The following ANK2 variants were observed in gnomAD, a reference collection of about 807,000 sequenced individuals.
ANK2 encodes the protein ankyrin 2, also known as ankyrin-2.
In ANK2, 83 loss-of-function variants were observed where a neutral mutation model predicts 360.5. That is an observed-to-expected ratio of 0.23 (90% CI 0.19 to 0.28). The LOEUF (loss-of-function observed/expected upper bound fraction) is 0.28. Among genes scored for constraint, ANK2 ranks in the 10% least tolerant of loss-of-function variants. The probability of loss-of-function intolerance (pLI) is 1.00; values close to 1 mark genes in which losing one functional copy is unlikely to be tolerated. For synonymous variants in ANK2, 1,740 were observed against 1,759.5 expected, an observed-to-expected ratio of 0.99 and a Z score of 0.28; for missense variants, 4,201 against 4,795.7, an observed-to-expected ratio of 0.88 and a Z score of 3.66.
intron 2 of ANK2, among the ~76,000 whole-genome samples, chr4:112,984,052 A>C (rs1300445718): frequency 6.6e-6 from 1 of 152,260 alleles, no homozygotes; most frequent in Non-Finnish European, 1.5e-5. Context: ...AAAAAGTTCT[A>C]GACAAACTTT....
At chr4:113,014,949 G>C (rs979875862) in intron 2 of ANK2, among the ~76,000 whole-genome samples, 8 of 137,710 alleles carry the variant, frequency 5.8e-5, no homozygotes, top group African/African-American at 8.3e-5. Context: ...AGCTCCGCCC[G>C]CCGGGTTCAC....
intron 2 of ANK2, among the ~76,000 whole-genome samples, chr4:113,016,667 A>G (rs1364609629): frequency 1.3e-5 from 2 of 152,132 alleles, no homozygotes; most frequent in African/African-American, 4.8e-5. Context: ...GTCCTTTTTT[A>G]AAGAGCTACC....
Position 113,258,054 on chromosome 4 carries a change from G to A in ANK2, c.1193G>A (p.Gly398Asp). Reference protein sequence around the residue: ...RANPNARALNGFTPLHIACKK... With the variant: ...RANPNARALNDFTPLHIACKK... ...ACTTGATTGTCTTTTGCACAGAATG[G>A]TTTTACTCCACTGCACATTGCCTGC... Residue 398 changes from glycine (G) to aspartate (D), a missense_variant, in exon 12 of 46, where the codon GGT (glycine) becomes GAT (aspartate). Physicochemically the swap from Gly to Asp is moderately conservative, Grantham distance 94. Around this residue, in one of 4 missense-constraint regions of ANK2, gnomAD observed 1,268 missense variants for 1,650.8 expected, o/e 0.77. Transcript: ENST00000357077. The A allele has an allele frequency of 6.2e-7, 1 of 1,613,802 alleles. No individual in the cohort carries two copies. The highest frequency in any genetic ancestry group is 1.1e-5 in the South Asian group (1 of 91,074).
chr4:112,786,331 T>C, the ANK2 span, among the ~76,000 whole-genome samples: 1 of 151,936 alleles, frequency 6.6e-6, no homozygotes, highest in Admixed American at 6.6e-5. Flanking sequence ...CTCCATCATT[T>C]TGTGTGTGAA....
chr4:113,174,325 C>T, intron 1 of ANK2, 91 bp from the exon 2 acceptor site: 1 of 1,092,162 alleles, frequency 9.2e-7, no homozygotes. Flanking sequence ...TAAAGCTTTT[C>T]TGACTTCAGT....
intron 14 of ANK2, among the ~76,000 whole-genome samples, chr4:113,265,543 A>G (rs991709345): frequency 2.6e-5 from 4 of 152,210 alleles, no homozygotes; most frequent in Admixed American, 2.0e-4. Flanking sequence ...CCACAGTTCC[A>G]AAATAGAATT....
rs768457889 is a variant in ANK2 at position 113,369,536 on chromosome 4, A to G, written c.11341A>G (p.Thr3781Ala). 3.1e-6 allele frequency: 5 copies of G among 1,614,080 alleles called. No homozygotes were observed. The highest frequency in any genetic ancestry group is 1.1e-5 in the South Asian group (1 of 91,082). The change falls in exon 43 of 46, where the codon ACA (threonine) becomes GCA (alanine). Residue 3781 changes from threonine (T) to alanine (A), a missense_variant. Coordinates refer to ENST00000357077, the MANE Select transcript of ANK2 (RefSeq NM_001148.6). ...CAGTGTGACAACTCCAGGAACAGAA[A>G]CATCAGAGACTCAGAAGGCTATGAT... ...EYFVTTPGTE[T>A]SETQKAMIVP...
intron 4 of ANK2, among the ~76,000 whole-genome samples, chr4:113,223,833 G>T (rs2099181624): frequency 6.6e-6 from 1 of 152,170 alleles, no homozygotes; most frequent in South Asian, 2.1e-4. Context: ...GCTTAGTTGT[G>T]CAGAGTTTCT....
chr4:112,990,426 A>G (rs916343751), intron 2 of ANK2, among the ~76,000 whole-genome samples: 18 of 152,100 alleles, frequency 1.2e-4, no homozygotes, highest in Non-Finnish European at 1.5e-5. Flanking sequence ...TTCTGAGTCT[A>G]TTCTCTGATT....
intron 1 of ANK2, among the ~76,000 whole-genome samples, chr4:113,118,442 T>G (rs549630975): frequency 6.6e-6 from 1 of 152,228 alleles, no homozygotes; most frequent in East Asian, 1.9e-4. Context: ...ACCTTTCAAT[T>G]TGGGGGATGT....
chr4:112,731,055 TCG>T, the ANK2 span, among the ~76,000 whole-genome samples: 1 of 151,712 alleles, frequency 6.6e-6, no homozygotes, highest in Non-Finnish European at 1.5e-5. Context: ...GGCAGGAGAA[TCG>T]CTTGAACCCA....
intron 1 of ANK2, among the ~76,000 whole-genome samples, chr4:113,086,809 G>A (rs1387546157): frequency 6.6e-6 from 1 of 152,162 alleles, no homozygotes; most frequent in Admixed American, 6.5e-5. Context: ...GTCCATTCCT[G>A]ACAGAAAAAC....
chr4:113,014,158 TGAAATGAAAAATAAAATG>T (rs1453448854), intron 2 of ANK2, among the ~76,000 whole-genome samples: 57 of 151,842 alleles, frequency 3.8e-4, no homozygotes, highest in African/African-American at 1.3e-3. Context: ...GACCCCAAAA[TGAAATGAAAAATAAAATG>T]GAAATGAAAA....
chr4:113,214,836 A>C, intron 4 of ANK2, among the ~76,000 whole-genome samples: 1 of 152,196 alleles, frequency 6.6e-6, no homozygotes, highest in Admixed American at 6.5e-5. Flanking sequence ...ATGCCATGAA[A>C]TCATATCACT....
intron 1 of ANK2, among the ~76,000 whole-genome samples, chr4:112,883,425 T>A (rs1334416417): frequency 6.6e-6 from 1 of 152,162 alleles, no homozygotes; most frequent in Non-Finnish European, 1.5e-5. Context: ...GCATTTATGA[T>A]TATAATTATG....
intron 2 of ANK2, among the ~76,000 whole-genome samples, chr4:112,968,585 GT>G (rs888193135): frequency 1.2e-4 from 18 of 151,000 alleles, no homozygotes; most frequent in Admixed American, 3.3e-4. Context: ...ATTGCTTTTT[GT>G]TTTTTTTTCT....
intron 1 of ANK2, chr4:112,826,864 A>T: frequency 6.8e-7 from 1 of 1,468,496 alleles, no homozygotes; most frequent in South Asian, 1.1e-5. Flanking sequence ...GATGAAGATG[A>T]CATCAATGAT....
intron 2 of ANK2, among the ~76,000 whole-genome samples, chr4:113,026,604 T>C (rs184826701): frequency 2.6e-5 from 4 of 152,240 alleles, no homozygotes; most frequent in Admixed American, 2.0e-4. Context: ...ACAGGGAGCA[T>C]TGGTAATTCT....
In ANK2 at chr4:113,248,732, C is replaced by T. The variant is rs141277370; in HGVS notation, c.892-1032C>T. ...TGGAAGTAGAGACACAAACGAGAGG[C>T]CATTTGAGTTCTGGATAAATCAGAA... is the stretch of plus-strand genomic sequence containing the variant. On this transcript the variant is annotated intron_variant, in intron 9 of 45. Transcript: ENST00000357077. Among the ~76,000 whole-genome samples, 804 of 152,196 alleles carry T rather than the reference C, an allele frequency of 5.3e-3. 2 individuals carry two copies. The highest frequency in any genetic ancestry group is 8.7e-3 in the Non-Finnish European group (592 of 68,012).
Sources: allele counts gnomAD v4.1 joint callset (sites outside exome capture counted in the v4.1 genomes callset), GRCh38; gene constraint gnomAD v4.1.1; regional missense constraint gnomAD v4.1.1; transcripts MANE v1.5; gene names NCBI Gene and HGNC (gene_info 2026-07-23, HGNC 2026-07-21).